The following RARB variants were observed in gnomAD, a reference collection of about 807,000 sequenced individuals.
The protein encoded by RARB is retinoic acid receptor beta, also known as HBV-activated protein.
A neutral mutation model predicts 51.9 loss-of-function variants in RARB; 17 were observed. The observed-to-expected ratio is 0.33, with a 90% CI of 0.22 to 0.49. The LOEUF (loss-of-function observed/expected upper bound fraction) is 0.49, where lower values mean the gene tolerates loss of function less well. RARB is among the 20% of genes least tolerant of loss of function. The probability of loss-of-function intolerance (pLI) is 0.99; values close to 1 mark genes in which losing one functional copy is unlikely to be tolerated. For missense variants in RARB, 369 were observed against 550.8 expected (o/e 0.67, Z 3.30); for synonymous variants, 215 against 195.4 (o/e 1.10, Z -0.84).
intron 5 of RARB, among the ~76,000 whole-genome samples, chr3:25,268,701 T>G (rs1332558598): frequency 6.6e-6 from 1 of 152,188 alleles, no homozygotes; most frequent in Non-Finnish European, 1.5e-5. Flanking sequence ...TACCCATTGT[T>G]CACTTTCTCA....
At chr3:25,306,260 G>T (rs1704149681) in intron 5 of RARB, among the ~76,000 whole-genome samples, 1 of 152,162 alleles carries the variant, frequency 6.6e-6, no homozygotes, top group Admixed American at 6.5e-5. Flanking sequence ...CCGTGAACCT[G>T]CCTGAAAGGG....
intron 5 of RARB, among the ~76,000 whole-genome samples, chr3:25,397,328 G>A (rs1707143582): frequency 8.3e-6 from 1 of 120,742 alleles, no homozygotes; most frequent in Non-Finnish European, 1.7e-5. Context: ...TCCTCCGTGA[G>A]GATGTGTGTT....
chr3:25,037,132 CT>C (rs1199030354), intron 2 of RARB, among the ~76,000 whole-genome samples: 2 of 152,240 alleles, frequency 1.3e-5, no homozygotes, highest in East Asian at 3.9e-4. Context: ...TGGCATTTGG[CT>C]TCAGATTGTT....
chr3:25,585,144 T>G (rs1345127168), intron 5 of RARB, among the ~76,000 whole-genome samples: 1 of 152,158 alleles, frequency 6.6e-6, no homozygotes, highest in Non-Finnish European at 1.5e-5. Flanking sequence ...GTATTTACAA[T>G]GAAGATGGCA....
chr3:24,838,844 T>A (rs1257763627), intron 1 of RARB, among the ~76,000 whole-genome samples: 1 of 151,876 alleles, frequency 6.6e-6, no homozygotes, highest in Non-Finnish European at 1.5e-5. Context: ...TTGGAGCAAT[T>A]TCAGCCTAGT....
chr3:25,431,008 T>A (rs992230481), intron 1 of RARB, among the ~76,000 whole-genome samples: 68 of 133,948 alleles, frequency 5.1e-4, no homozygotes, highest in Non-Finnish European at 8.7e-4. Context: ...TTTTTTTTTT[T>A]AGAGATTCTA....
chr3:24,951,991 G>T (rs1384467011), intron 2 of RARB, among the ~76,000 whole-genome samples: 1 of 150,980 alleles, frequency 6.6e-6, no homozygotes, highest in Non-Finnish European at 1.5e-5. Context: ...AAATTGCCCT[G>T]TATTCAAGTG....
At chr3:25,003,681 T>C (rs1317195106) in intron 2 of RARB, among the ~76,000 whole-genome samples, 2 of 152,094 alleles carry the variant, frequency 1.3e-5, no homozygotes, top group African/African-American at 2.4e-5. Flanking sequence ...TACAATAAAA[T>C]ATGATCTGTG....
chr3:25,474,689 G>C (rs190958367), intron 2 of RARB, among the ~76,000 whole-genome samples: 250 of 152,258 alleles, frequency 1.6e-3, no homozygotes, highest in Middle Eastern at 6.8e-3. Context: ...GTGATAAAAA[G>C]TATGAAAGTT....
At chr3:25,228,201 T>C (rs1702097054) in intron 5 of RARB, among the ~76,000 whole-genome samples, 2 of 148,114 alleles carry the variant, frequency 1.4e-5, no homozygotes, top group Admixed American at 1.4e-4. Flanking sequence ...AGTTTTCATC[T>C]ATGGTGACTT....
chr3:25,318,967 G>A, intron 5 of RARB, among the ~76,000 whole-genome samples: 1 of 151,910 alleles, frequency 6.6e-6, no homozygotes, highest in East Asian at 1.9e-4. Context: ...TCTTTCCCCG[G>A]GACTCCATGT....
chr3:25,339,990 G>A (rs577043853), intron 5 of RARB, among the ~76,000 whole-genome samples: 78 of 152,246 alleles, frequency 5.1e-4, no homozygotes, highest in Middle Eastern at 3.4e-3. Flanking sequence ...CCATGCAGAA[G>A]GTCCTGAATT....
intron 2 of RARB, among the ~76,000 whole-genome samples, chr3:24,999,066 C>G (rs1158832791): frequency 1.3e-5 from 2 of 152,134 alleles, no homozygotes; most frequent in African/African-American, 2.4e-5. Flanking sequence ...CAATCTCACT[C>G]AAGTGTATAA....
At chr3:25,065,658 T>A (rs1698646567) in intron 3 of RARB, among the ~76,000 whole-genome samples, 2 of 152,228 alleles carry the variant, frequency 1.3e-5, no homozygotes, top group Admixed American at 6.5e-5. Context: ...GAGCGGAGAC[T>A]AAAAGTTCTT....
intron 1 of RARB, among the ~76,000 whole-genome samples, chr3:25,442,098 TTTTTAA>T (rs1457642755): frequency 1.4e-5 from 2 of 143,608 alleles, no homozygotes; most frequent in African/African-American, 5.2e-5. Flanking sequence ...AGGAAGTGAC[TTTTTAA>T]TTTTATTTTA....
At chr3:25,013,733 C>T (rs1434755026) in intron 2 of RARB, among the ~76,000 whole-genome samples, 2 of 152,024 alleles carry the variant, frequency 1.3e-5, no homozygotes, top group Non-Finnish European at 2.9e-5. Context: ...TTGAGAGGGA[C>T]CATGTGCTGG....
intron 5 of RARB, among the ~76,000 whole-genome samples, chr3:25,191,988 G>A (rs1248653534): frequency 3.9e-5 from 6 of 152,044 alleles, no homozygotes; most frequent in Admixed American, 1.3e-4. Flanking sequence ...ACATAATATC[G>A]AATCACGGCA....
intron 2 of RARB, 46 bp downstream of exon 2, chr3:25,461,387 T>C: frequency 6.3e-7 from 1 of 1,592,908 alleles, no homozygotes; most frequent in Non-Finnish European, 8.6e-7. Context: ...ATTCTCCATG[T>C]ACTTTATGGA....
intron 3 of RARB, among the ~76,000 whole-genome samples, chr3:25,529,458 CAT>C (rs988908076): frequency 2.0e-5 from 3 of 152,114 alleles, no homozygotes; most frequent in African/African-American, 7.2e-5. Flanking sequence ...ACTAAAAACA[CAT>C]ATGTTTTATA....
Sources: allele counts gnomAD v4.1 joint callset (sites outside exome capture counted in the v4.1 genomes callset), GRCh38; gene constraint gnomAD v4.1.1; transcripts MANE v1.5; gene names NCBI Gene and HGNC (gene_info 2026-07-23, HGNC 2026-07-21).